The following SMARCAL1 variants were observed in gnomAD, a reference collection of about 807,000 sequenced individuals.
The protein encoded by SMARCAL1 is ATP-driven annealing helicase.
In SMARCAL1, 58 loss-of-function variants were observed where a neutral mutation model predicts 94.5. The observed-to-expected ratio is 0.61, with a 90% CI of 0.50 to 0.76. The LOEUF (loss-of-function observed/expected upper bound fraction) is 0.76. Among genes scored for constraint, SMARCAL1 ranks in the 30% least tolerant of loss-of-function variants. The pLI is 0.00. For synonymous variants in SMARCAL1, 422 were observed against 455.1 expected, an observed-to-expected ratio of 0.93 and a Z score of 0.93; for missense variants, 1,051 against 1,177.9, an observed-to-expected ratio of 0.89 and a Z score of 1.58.
chr2:216,434,848 T>C (rs963426694), intron 8 of SMARCAL1, among the ~76,000 whole-genome samples: 9 of 114,402 alleles, frequency 7.9e-5, no homozygotes, highest in African/African-American at 2.1e-4. Context: ...AACACAACTC[T>C]CTATTTTTTT....
intron 9 of SMARCAL1, among the ~76,000 whole-genome samples, 192 bp downstream of exon 9, chr2:216,435,688 G>A (rs534313287): frequency 1.2e-4 from 19 of 152,242 alleles, no homozygotes; most frequent in African/African-American, 3.6e-4. Context: ...CTCTGGCTAC[G>A]TACTAGAATC....
At chr2:216,447,292 T>G (rs763046168) in intron 11 of SMARCAL1, 134 bp downstream of exon 11, 2 of 1,122,960 alleles carry the variant, frequency 1.8e-6, no homozygotes, top group Non-Finnish European at 2.7e-6. Context: ...AGTCTTTCTG[T>G]TTCTTACTAT....
At position 216,434,349 on chromosome 2, in the gene SMARCAL1, T is replaced by C. The variant is rs537844484; in HGVS notation, c.1486-989T>C. Among the ~76,000 whole-genome samples, 24 of 152,294 alleles carry C rather than the reference T, an allele frequency of 1.6e-4. 1 individual carries two copies. The highest frequency in any genetic ancestry group is 5.5e-4 in the African/African-American group (23 of 41,552). On this transcript the variant is annotated intron_variant, in intron 8 of 17. Coordinates refer to ENST00000357276, the MANE Select transcript of SMARCAL1 (RefSeq NM_014140.4). ...GATTGCCAGAGAGAGAAGGTAGATTTGTAGAAATATCGACATAAGTAGTCT... is the reference window on the plus strand; with the variant it reads ...GATTGCCAGAGAGAGAAGGTAGATTCGTAGAAATATCGACATAAGTAGTCT...
chr2:216,474,804 G>A (rs777025761), intron 14 of SMARCAL1, among the ~76,000 whole-genome samples: 4 of 152,152 alleles, frequency 2.6e-5, no homozygotes, highest in Non-Finnish European at 5.9e-5. Context: ...GGTCAGATTA[G>A]TGGCTATCAG....
intron 12 of SMARCAL1, among the ~76,000 whole-genome samples, chr2:216,455,754 A>G (rs1360853330): frequency 1.3e-5 from 2 of 152,208 alleles, no homozygotes; most frequent in African/African-American, 2.4e-5. Flanking sequence ...TGGGGAAAAA[A>G]CAGAGCAGAA....
At chr2:216,426,302 A>G (rs1209832129) in intron 6 of SMARCAL1, among the ~76,000 whole-genome samples, 4 of 152,252 alleles carry the variant, frequency 2.6e-5, no homozygotes, top group Admixed American at 2.6e-4. Flanking sequence ...TTACAGCATT[A>G]GTAGATAAAT....
At chr2:216,447,181 C>A (rs1235443716) in intron 11 of SMARCAL1, 23 bp downstream of exon 11, 6 of 1,595,640 alleles carry the variant, frequency 3.8e-6, no homozygotes, top group Non-Finnish European at 5.2e-6. Context: ...TCTTCCCTCC[C>A]AGCCCACCCA....
intron 9 of SMARCAL1, among the ~76,000 whole-genome samples, chr2:216,437,393 A>G (rs750291391): frequency 3.4e-4 from 51 of 152,142 alleles, no homozygotes; most frequent in Non-Finnish European, 6.3e-4. Flanking sequence ...CTTTTTGCTC[A>G]TGATAGCTGA....
At chr2:216,469,290 T>C (rs1182424066) in intron 14 of SMARCAL1, among the ~76,000 whole-genome samples, 4 of 147,532 alleles carry the variant, frequency 2.7e-5, no homozygotes, top group Non-Finnish European at 6.0e-5. Flanking sequence ...TTTTTTTTTT[T>C]TTTTTTTTTT....
At chr2:216,478,107 C>T in intron 16 of SMARCAL1, 96 bp from the exon 17 acceptor site, 1 of 975,444 alleles carries the variant, frequency 1.0e-6, no homozygotes. Context: ...CGTAAACAAG[C>T]CGTTGTCCCA....
chr2:216,467,135 G>T (rs1032730665), intron 13 of SMARCAL1, among the ~76,000 whole-genome samples: 6 of 152,264 alleles, frequency 3.9e-5, no homozygotes, highest in Admixed American at 1.3e-4. Flanking sequence ...CCACCCCACT[G>T]CTCCCTGAGG....
intron 11 of SMARCAL1, among the ~76,000 whole-genome samples, chr2:216,448,245 C>T (rs1450188429): frequency 1.3e-5 from 2 of 152,294 alleles, no homozygotes; most frequent in East Asian, 3.9e-4. Flanking sequence ...GTAGATCAAT[C>T]CAGATTAGAC....
chr2:216,440,703 A>C (rs1156689952), intron 10 of SMARCAL1, among the ~76,000 whole-genome samples: 1 of 152,150 alleles, frequency 6.6e-6, no homozygotes, highest in South Asian at 2.1e-4. Flanking sequence ...CGAACCTTTC[A>C]TCTCTGTCTT....
At chr2:216,453,394 A>G (rs757124064) in intron 12 of SMARCAL1, among the ~76,000 whole-genome samples, 6 of 152,228 alleles carry the variant, frequency 3.9e-5, no homozygotes, top group South Asian at 2.1e-4. Context: ...ATAGAAATCA[A>G]TTTTTATAAT....
intron 7 of SMARCAL1, 36 bp from the exon 8 acceptor site, chr2:216,432,682 C>T (rs754944561): frequency 8.7e-6 from 14 of 1,613,714 alleles, no homozygotes; most frequent in East Asian, 6.7e-5. Context: ...ACTCATGCCC[C>T]GGGAAATGTG....
chr2:216,477,256 G>A, intron 16 of SMARCAL1, 47 bp downstream of exon 16: 2 of 1,294,530 alleles, frequency 1.5e-6, no homozygotes, highest in Non-Finnish European at 2.2e-6. Context: ...AGCAAGGGTG[G>A]AAACTGATGA....
At chr2:216,464,182 G>C (rs113742214) in intron 12 of SMARCAL1, among the ~76,000 whole-genome samples, 1 of 152,186 alleles carries the variant, frequency 6.6e-6, no homozygotes, top group Non-Finnish European at 1.5e-5. Context: ...AGAAAAGAGG[G>C]AAGCAAAAAG....
intron 8 of SMARCAL1, among the ~76,000 whole-genome samples, 191 bp downstream of exon 8, chr2:216,433,059 C>T (rs573159669): frequency 6.4e-4 from 98 of 152,170 alleles, no homozygotes; most frequent in Admixed American, 4.8e-3. Flanking sequence ...TCAGGTTACA[C>T]CTTGAGGGAA....
chr2:216,441,636 T>A (rs1479853860), intron 10 of SMARCAL1, among the ~76,000 whole-genome samples: 1 of 152,222 alleles, frequency 6.6e-6, no homozygotes, highest in Non-Finnish European at 1.5e-5. Flanking sequence ...CAAGTGAACA[T>A]CATCTATATG....
Sources: allele counts gnomAD v4.1 joint callset (sites outside exome capture counted in the v4.1 genomes callset), GRCh38; gene constraint gnomAD v4.1.1; transcripts MANE v1.5; gene names NCBI Gene and HGNC (gene_info 2026-07-23, HGNC 2026-07-21).